Variants in B3GALNT2 observed in about 807,000 individuals in gnomAD.
B3GALNT2 encodes the protein UDP-GalNAc:beta-1,3-N-acetylgalactosaminyltransferase 2.
In B3GALNT2, 53 loss-of-function variants were observed where a neutral mutation model predicts 61.1. That is an observed-to-expected ratio of 0.87 (90% CI 0.70 to 1.09). The LOEUF (loss-of-function observed/expected upper bound fraction) is 1.09, where lower values mean the gene tolerates loss of function less well. B3GALNT2 is among the 50% of genes least tolerant of loss of function. The pLI, the probability that B3GALNT2 is intolerant of heterozygous loss-of-function variation, is 0.00. For synonymous variants in B3GALNT2, 223 were observed against 237.4 expected, an observed-to-expected ratio of 0.94 and a Z score of 0.56; for missense variants, 544 against 623.0, an observed-to-expected ratio of 0.87 and a Z score of 1.35.
chr1:235,494,595 G>A (rs551315411), intron 2 of B3GALNT2, 86 bp downstream of exon 2: 19 of 1,413,162 alleles, frequency 1.3e-5, no homozygotes, highest in Middle Eastern at 1.8e-4. Flanking sequence ...TAGCTGGGAC[G>A]ACGGGCACAC....
intron 7 of B3GALNT2, among the ~76,000 whole-genome samples, chr1:235,463,084 G>A (rs1267065685): frequency 6.6e-6 from 1 of 152,218 alleles, no homozygotes; most frequent in Non-Finnish European, 1.5e-5. Context: ...CACAGCACCT[G>A]CGTGCAGTTG....
Position 235,455,605 on chromosome 1 carries a change from T to G in B3GALNT2, c.1105A>C (p.Arg369=), listed in dbSNP as rs762077348. 1.2e-6 allele frequency: 2 copies of G among 1,609,870 alleles called. No individual in the cohort carries two copies. The highest frequency in any genetic ancestry group is 1.7e-6 in the Non-Finnish European group (2 of 1,176,050). Residue 369 remains arginine (R), a synonymous_variant, in exon 9 of 12, where the codon AGG becomes CGG. Coordinates refer to ENST00000366600, the MANE Select transcript of B3GALNT2 (RefSeq NM_152490.5). ...CCATCCAGATTCTTTTGGACAATCCTATTAAATACAGCTTCGAGGTCTATG... is the reference window on the plus strand; with the variant it reads ...CCATCCAGATTCTTTTGGACAATCCGATTAAATACAGCTTCGAGGTCTATG... ...CYIDLEAVFN[R]IVQKNLDGPN...
chr1:235,502,104 C>T (rs1055387393), intron 1 of B3GALNT2, among the ~76,000 whole-genome samples: 10 of 152,152 alleles, frequency 6.6e-5, no homozygotes, highest in African/African-American at 2.4e-4. Context: ...CCTCCGCCTC[C>T]GAGGTTCAAG....
In B3GALNT2 at chr1:235,449,438, C is replaced by T. The variant is rs1410219347; in HGVS notation, c.*768G>A. On this transcript the variant is annotated 3_prime_UTR_variant, in exon 12 of 12. Transcript: ENST00000366600. ...CAACAAAATTTAGAAATATCCTTCCCGATGGCACTAAAACCCTGAGAGGTA... is the reference window on the plus strand; with the variant it reads ...CAACAAAATTTAGAAATATCCTTCCTGATGGCACTAAAACCCTGAGAGGTA... 1 of 153,238 alleles carries T rather than the reference C, an allele frequency of 6.5e-6. No homozygotes were observed. The highest frequency in any genetic ancestry group is 2.4e-5 in the African/African-American group (1 of 41,432). 9.5% of individuals were successfully genotyped at this position (153,238 alleles called of 1,614,324 possible).
chr1:235,502,167 T>C (rs970136122), intron 1 of B3GALNT2, among the ~76,000 whole-genome samples: 1 of 152,124 alleles, frequency 6.6e-6, no homozygotes, highest in South Asian at 2.1e-4. Context: ...CATGCACCAC[T>C]ATGCCCGGCT....
At chr1:235,461,507 GTTTTTTTTTTTT>G (rs57611133) in intron 7 of B3GALNT2, among the ~76,000 whole-genome samples, 28 of 63,378 alleles carry the variant, frequency 4.4e-4, no homozygotes, top group East Asian at 1.8e-3. Context: ...ATGACCTCCT[GTTTTTTTTTTTT>G]TTTTTTTTTT....
In B3GALNT2 at chr1:235,484,520, G is replaced by C. The variant is rs894519627; in HGVS notation, c.362-5C>G. ...CTTCAATTTCCTGATTCAAAACTAA[G>C]TAATGAGAACAGGTTTATATAACTG... On this transcript the variant is annotated splice_region_variant and splice_polypyrimidine_tract_variant and intron_variant, in intron 3 of 11. Transcript: ENST00000366600. 27 of 1,613,778 alleles carry C rather than the reference G, an allele frequency of 1.7e-5. No individual in the cohort carries two copies. Among genetic ancestry groups the C allele is most frequent in the Non-Finnish European group, 2.2e-5 (26 of 1,179,852 alleles).
intron 2 of B3GALNT2, among the ~76,000 whole-genome samples, chr1:235,489,957 T>C (rs183074096): frequency 9.8e-5 from 15 of 152,290 alleles, no homozygotes; most frequent in East Asian, 5.8e-4. Flanking sequence ...GCTAAATCAA[T>C]AGACACTCTT....
rs945312438 is a variant in B3GALNT2, at chr1:235,470,921, G to A, written c.691C>T (p.His231Tyr). 1 of 1,614,008 alleles carries A rather than the reference G, an allele frequency of 6.2e-7. No individual in the cohort carries two copies. The highest frequency in any genetic ancestry group is 1.1e-5 in the South Asian group (1 of 91,066). Residue 231 changes from histidine to tyrosine, a missense_variant, in exon 6 of 12, where the codon CAC (histidine) becomes TAC (tyrosine). By Grantham distance (83) the His-to-Tyr change is moderately conservative (BLOSUM62 2). Coordinates refer to ENST00000366600, the MANE Select transcript of B3GALNT2 (RefSeq NM_152490.5). ...GTIVWESQDL[H>Y]GLVSRNLHKV... The stretch of plus-strand genomic sequence containing the variant: ...TGGAGATTTCTTGACACAAGGCCGT[G>A]GAGGTCTTGGCTCTCCCACACGATT...
At chr1:235,501,441 C>T (rs1685577843) in intron 1 of B3GALNT2, among the ~76,000 whole-genome samples, 1 of 152,228 alleles carries the variant, frequency 6.6e-6, no homozygotes, top group African/African-American at 2.4e-5. Context: ...AAAACCATCT[C>T]TTTAATCTCT....
intron 1 of B3GALNT2, among the ~76,000 whole-genome samples, chr1:235,499,577 T>C (rs1237315002): frequency 6.6e-6 from 1 of 152,186 alleles, no homozygotes; most frequent in African/African-American, 2.4e-5. Context: ...AGGGAAAGTT[T>C]TCCCTCTGAA....
intron 5 of B3GALNT2, among the ~76,000 whole-genome samples, chr1:235,474,987 A>ATATATTTTTTTT (rs1180244284): frequency 2.8e-5 from 1 of 35,572 alleles, no homozygotes; most frequent in Non-Finnish European, 4.9e-5. Context: ...ATATATATAT[A>ATATATTTTTTTT]TTTTTTTTTT....
At chr1:235,466,667 T>C (rs1303870148) in intron 6 of B3GALNT2, among the ~76,000 whole-genome samples, 1 of 152,220 alleles carries the variant, frequency 6.6e-6, no homozygotes, top group African/African-American at 2.4e-5. Flanking sequence ...TTGATGTTGT[T>C]GAAGGTGCTT....
intron 1 of B3GALNT2, among the ~76,000 whole-genome samples, chr1:235,499,875 T>G (rs1685507519): frequency 6.6e-6 from 1 of 152,162 alleles, no homozygotes; most frequent in Admixed American, 6.5e-5. Flanking sequence ...TTATGACCTT[T>G]AATAAAAGAA....
intron 5 of B3GALNT2, among the ~76,000 whole-genome samples, chr1:235,474,979 ATATATATATTTTTTTTTTT>A (rs1684193612): frequency 5.9e-5 from 2 of 33,710 alleles, no homozygotes; most frequent in African/African-American, 3.7e-4. Flanking sequence ...ATATATATAT[ATATATATATTTTTTTTTTT>A]TTTTTTTTTT....
intron 7 of B3GALNT2, among the ~76,000 whole-genome samples, chr1:235,461,377 G>A (rs145571716): frequency 3.5e-4 from 54 of 152,238 alleles, no homozygotes; most frequent in African/African-American, 1.3e-3. Context: ...GTGGAGCCCA[G>A]GAATCTATTT....
At chr1:235,469,476 G>A (rs981435487) in intron 6 of B3GALNT2, among the ~76,000 whole-genome samples, 36 of 152,138 alleles carry the variant, frequency 2.4e-4, no homozygotes, top group Admixed American at 7.9e-4. Flanking sequence ...AAGCAAAGCC[G>A]AATGAGAAAT....
rs1683061203 is a variant in B3GALNT2, at chr1:235,454,234, T to A, written c.1233A>T (p.Ala411=). 1 of 1,613,720 alleles carries A rather than the reference T, an allele frequency of 6.2e-7. No individual in the cohort carries two copies. Among genetic ancestry groups the A allele is most frequent in the Non-Finnish European group, 8.5e-7 (1 of 1,179,702 alleles). The part of the protein sequence containing the change: ...EYPSPAYPAF[A]CGSGYVISKD... The stretch of plus-strand genomic sequence containing the variant: ...TGGAGATCACATATCCTGACCCACA[T>A]GCAAAGGCAGGGTAAGCGGGGCTCG... Residue 411 remains alanine (A), a synonymous_variant, in exon 10 of 12, where the codon GCA becomes GCT. Coordinates refer to ENST00000366600, the MANE Select transcript of B3GALNT2 (RefSeq NM_152490.5).
At chr1:235,487,739 T>C (rs1000984695) in intron 3 of B3GALNT2, among the ~76,000 whole-genome samples, 7 of 152,220 alleles carry the variant, frequency 4.6e-5, no homozygotes, top group Admixed American at 1.3e-4. Context: ...CTTCCTAAAA[T>C]TGGTTCCCTG....
Sources: allele counts gnomAD v4.1 joint callset (sites outside exome capture counted in the v4.1 genomes callset), GRCh38; gene constraint gnomAD v4.1.1; transcripts MANE v1.5; gene names NCBI Gene and HGNC (gene_info 2026-07-23, HGNC 2026-07-21).